SLC19A1: variants seen among roughly 807,000 people sequenced by gnomAD.
The protein encoded by SLC19A1 is solute carrier family 19 member 1, also known as reduced folate transporter.
Under a neutral mutation model 35.3 loss-of-function variants are expected in SLC19A1, and 37 were observed. That is an observed-to-expected ratio of 1.05 (90% CI 0.81 to 1.38). The LOEUF (loss-of-function observed/expected upper bound fraction) is 1.38. SLC19A1 is among the 40% of genes most tolerant of loss of function. The pLI, the probability that SLC19A1 is intolerant of heterozygous loss-of-function variation, is 0.00. For synonymous variants in SLC19A1, 460 were observed against 398.5 expected, an observed-to-expected ratio of 1.15 and a Z score of -1.84; for missense variants, 831 against 826.9, an observed-to-expected ratio of 1.00 and a Z score of -0.06.
intron 4 of SLC19A1, among the ~76,000 whole-genome samples, 159 bp from the exon 5 acceptor site, chr21:45,526,117 C>T (rs1230244040): frequency 6.6e-6 from 1 of 152,186 alleles, no homozygotes; most frequent in Non-Finnish European, 1.5e-5. Flanking sequence ...ATCTCTCCCA[C>T]ACATGCCCGC....
Position 45,514,424 on chromosome 21 carries a change from CG to C in SLC19A1, c.*1233del, listed in dbSNP as rs2037780462. Reference sequence around the variant, plus strand: ...AGATGCCTGCTCCCCTGAGCCACCTCGGGAGACCCCTGGGTCCAGCAGCTCC... The same window carrying C: ...AGATGCCTGCTCCCCTGAGCCACCTCGGAGACCCCTGGGTCCAGCAGCTCC... On this transcript the variant is annotated 3_prime_UTR_variant, in exon 6 of 6. Transcript: ENST00000311124. 1 of 152,514 alleles carries C rather than the reference CG, an allele frequency of 6.6e-6. No homozygotes were observed. The highest frequency in any genetic ancestry group is 1.5e-5 in the Non-Finnish European group (1 of 68,268). 9.4% of individuals were successfully genotyped at this position (152,514 alleles called of 1,614,324 possible).
chr21:45,505,336 C>T (rs2037131707), intron 3 of SLC19A1: 2 of 1,594,336 alleles, frequency 1.3e-6, no homozygotes, highest in Non-Finnish European at 1.7e-6. Flanking sequence ...TTCGTGTTCC[C>T]ACCTTGGTTT....
chr21:45,503,716 G>A (rs889651897), intron 3 of SLC19A1, among the ~76,000 whole-genome samples: 11 of 151,646 alleles, frequency 7.3e-5, no homozygotes, highest in African/African-American at 9.7e-5. Flanking sequence ...CAGCACACCA[G>A]CATGGCACAT....
At chr21:45,557,633 C>T (rs1345531169) in intron 1 of SLC19A1, among the ~76,000 whole-genome samples, 1 of 152,210 alleles carries the variant, frequency 6.6e-6, no homozygotes, top group Non-Finnish European at 1.5e-5. Flanking sequence ...CAAGGCCACT[C>T]ACTGCCCTGA....
chr21:45,510,255 C>T (rs556785593), downstream of SLC19A1: 5 of 1,604,454 alleles, frequency 3.1e-6, no homozygotes, highest in African/African-American at 4.0e-5. Flanking sequence ...CCATCGTCAA[C>T]CTCAAGGTGG....
At chr21:45,526,175 C>G (rs1026699596) in intron 4 of SLC19A1, among the ~76,000 whole-genome samples, 2 of 152,236 alleles carry the variant, frequency 1.3e-5, no homozygotes, top group Admixed American at 6.5e-5. Flanking sequence ...AGGGGCCATT[C>G]TGGGAGCTGC....
chr21:45,505,084 C>T, intron 3 of SLC19A1: 1 of 1,590,284 alleles, frequency 6.3e-7, no homozygotes, highest in Non-Finnish European at 8.5e-7. Flanking sequence ...TGCCCGCCCC[C>T]AGTCCAGGGC....
downstream of SLC19A1, chr21:45,511,020 CACACCCCACAT>C (rs2037565749): frequency 4.5e-5 from 3 of 66,676 alleles, no homozygotes; most frequent in African/African-American, 4.6e-4. Flanking sequence ...CCCACACATC[CACACCCCACAT>C]CCACACACCC....
At chr21:45,522,174 G>C (rs1452678459) in intron 5 of SLC19A1, among the ~76,000 whole-genome samples, 1 of 152,190 alleles carries the variant, frequency 6.6e-6, no homozygotes, top group Admixed American at 6.5e-5. Flanking sequence ...CAGAAGATGT[G>C]AAGATTTTGC....
chr21:45,505,451 G>C (rs773769675), intron 3 of SLC19A1: 1 of 1,391,312 alleles, frequency 7.2e-7, no homozygotes, highest in Non-Finnish European at 1.0e-6. Context: ...TGGGCAGCCG[G>C]CTGGGCACCT....
Position 45,534,624 on chromosome 21 carries a change from T to C in SLC19A1, c.190-2476A>G, listed in dbSNP as rs1383042303. 2 of 1,535,102 alleles carry C rather than the reference T, an allele frequency of 1.3e-6. No individual in the cohort carries two copies. Among genetic ancestry groups the C allele is most frequent in the Admixed American group, 3.9e-5 (2 of 50,968 alleles). On this transcript the variant is annotated intron_variant, in intron 2 of 5. Coordinates refer to ENST00000311124, the MANE Select transcript of SLC19A1 (RefSeq NM_194255.4). The surrounding 1 kb of genome is among the most constrained non-coding windows in gnomAD (Gnocchi z 4.2). ...GGCCTCATCAGGCACCTCCTGGTCT[T>C]AGTTGAGGGTCTGAGCGCAGAGCTC...
Position 45,513,556 on chromosome 21 carries a change from G to C in SLC19A1, c.*2102C>G, listed in dbSNP as rs545590475. The C allele has an allele frequency of 6.6e-6, 1 of 152,258 alleles. No individual in the cohort carries two copies. Among genetic ancestry groups the C allele is most frequent in the African/African-American group, 2.4e-5 (1 of 41,538 alleles). The allele number at this position is 152,258 out of a possible 1,614,324, so 9.4% of individuals were successfully genotyped here. A position where few individuals can be genotyped will look rare whatever the true frequency, so the allele number is the denominator to read the frequency against. On this transcript the variant is annotated 3_prime_UTR_variant, in exon 6 of 6. Coordinates refer to ENST00000311124, the MANE Select transcript of SLC19A1 (RefSeq NM_194255.4). ...CCGGCAACATCAACCCGAGTCATTC[G>C]TTCTGTGGAGGGACAAGTGGACTCA...
intron 5 of SLC19A1, among the ~76,000 whole-genome samples, chr21:45,519,096 A>G: frequency 7.8e-6 from 1 of 128,076 alleles, no homozygotes; most frequent in East Asian, 2.3e-4. Flanking sequence ...TGTAAGCGGG[A>G]GATGACAGTG....
At chr21:45,524,835 G>T (rs890241670) in intron 5 of SLC19A1, among the ~76,000 whole-genome samples, 5 of 150,852 alleles carry the variant, frequency 3.3e-5, no homozygotes, top group African/African-American at 9.8e-5. Context: ...TCACACCTGG[G>T]CCTCGGAGGC....
intron 2 of SLC19A1, 135 bp from the exon 3 acceptor site, chr21:45,532,283 GC>G: frequency 1.5e-6 from 1 of 685,164 alleles, no homozygotes; most frequent in East Asian, 2.7e-5. Context: ...TCCCCAACAC[GC>G]CCCTGTCCCA....
At position 45,530,334 on chromosome 21, in the gene SLC19A1, C is replaced by T. The variant is rs1483328591; in HGVS notation, c.1151+436G>A. Among the ~76,000 whole-genome samples the T allele has an allele frequency of 7.9e-6, 1 of 125,794 alleles. No homozygotes were observed. Among genetic ancestry groups the T allele is most frequent in the African/African-American group, 3.0e-5 (1 of 33,246 alleles). The allele number at this position is 125,794 out of a possible 152,430, so 82.5% of individuals were successfully genotyped here. A position where few individuals can be genotyped will look rare whatever the true frequency, so the allele number is the denominator to read the frequency against. ...TGTTCATGAGTGTGTGGTGAGTGTC[C>T]ATCTGTGCGCATGTGGTGTGTTCAT... is the stretch of plus-strand genomic sequence containing the variant. On this transcript the variant is annotated intron_variant, in intron 4 of 5. Transcript: ENST00000311124. The surrounding 1 kb of genome is among the most constrained non-coding windows in gnomAD (Gnocchi z 5.3).
chr21:45,507,695 G>A (rs1195328907), downstream of SLC19A1: 3 of 1,119,152 alleles, frequency 2.7e-6, no homozygotes, highest in African/African-American at 1.5e-5. Context: ...TTGGAGTCCT[G>A]GAGCTGAACA....
At position 45,533,144 on chromosome 21, in the gene SLC19A1, C is replaced by A. The variant is rs1317633506; in HGVS notation, c.190-996G>T. On this transcript the variant is annotated intron_variant, in intron 2 of 5. Transcript: ENST00000311124. The surrounding 1 kb of genome is among the most constrained non-coding windows in gnomAD (Gnocchi z 4.5). ...AGGAGGGGGAGCACAGGCTGTCAGCCTGCCCACCCCCACCTCCTCCATCAC... is the reference window on the plus strand; with the variant it reads ...AGGAGGGGGAGCACAGGCTGTCAGCATGCCCACCCCCACCTCCTCCATCAC... Among the ~76,000 whole-genome samples, 1 of 152,202 alleles carries A rather than the reference C, an allele frequency of 6.6e-6. No individual in the cohort carries two copies. Among genetic ancestry groups the A allele is most frequent in the Non-Finnish European group, 1.5e-5 (1 of 68,022 alleles).
intron 5 of SLC19A1, among the ~76,000 whole-genome samples, chr21:45,521,484 T>C (rs1183103817): frequency 1.3e-5 from 2 of 152,192 alleles, no homozygotes; most frequent in African/African-American, 4.8e-5. Flanking sequence ...TAACAAAATC[T>C]GAGCAGGAAT....
Sources: gnomAD v4.1 joint callset for allele counts (sites outside exome capture counted in the v4.1 genomes callset) on GRCh38, gnomAD v4.1.1 for gene constraint, Gnocchi (gnomAD v3.1) non-coding constraint, MANE v1.5 for transcripts, NCBI Gene and HGNC (gene_info 2026-07-23, HGNC 2026-07-21) for gene names.